The following MYO3B variants were observed in gnomAD, a reference collection of about 807,000 sequenced individuals.
MYO3B encodes myosin IIIB.
A neutral mutation model predicts 174.6 loss-of-function variants in MYO3B; 156 were observed. The ratio of observed to expected loss-of-function variants is 0.89; its 90% CI spans 0.78 to 1.02. The LOEUF (loss-of-function observed/expected upper bound fraction) is 1.02, where lower values mean the gene tolerates loss of function less well. MYO3B is among the 50% of genes least tolerant of loss of function. MYO3B has a pLI of 0.00. For missense variants in MYO3B, 1,632 were observed against 1,639.4 expected (o/e 1.00, Z 0.08); for synonymous variants, 563 against 569.1 (o/e 0.99, Z 0.15).
Position 170,586,050 on chromosome 2 carries a change from T to C in MYO3B, c.3733+42062T>C, listed in dbSNP as rs140639627. 2.9e-3 allele frequency among the ~76,000 whole-genome samples: 446 copies of C among 152,126 alleles called. 2 individuals are homozygous for C. Among genetic ancestry groups the C allele is most frequent in the Non-Finnish European group, 4.3e-3 (295 of 67,966 alleles). On this transcript the variant is annotated intron_variant, in intron 32 of 34. Transcript: ENST00000408978. Reference sequence around the variant, plus strand: ...CAAAAAACAAACAAACAAACAAAAATCACACAAGTGTTTGTTCAGGGAAAG... The same window carrying C: ...CAAAAAACAAACAAACAAACAAAAACCACACAAGTGTTTGTTCAGGGAAAG...
intron 30 of MYO3B, among the ~76,000 whole-genome samples, chr2:170,527,643 A>C (rs547820184): frequency 3.3e-5 from 5 of 152,204 alleles, no homozygotes; most frequent in Non-Finnish European, 7.3e-5. Flanking sequence ...GAAACGATTC[A>C]GCTACAGACC....
intron 32 of MYO3B, among the ~76,000 whole-genome samples, chr2:170,648,682 ATTATATTCTATAT>A (rs1698580598): frequency 7.4e-6 from 1 of 134,766 alleles, no homozygotes; most frequent in African/African-American, 2.8e-5. Flanking sequence ...TATAATATAT[ATTATATTCTATAT>A]AATATATATT....
At chr2:170,219,624 A>T (rs766472246) in intron 6 of MYO3B, among the ~76,000 whole-genome samples, 3 of 151,878 alleles carry the variant, frequency 2.0e-5, no homozygotes, top group Admixed American at 6.6e-5. Flanking sequence ...AGCCTGGGTG[A>T]CAGAGTTAGA....
chr2:170,434,143 G>C (rs1409791665), intron 22 of MYO3B, among the ~76,000 whole-genome samples: 1 of 152,142 alleles, frequency 6.6e-6, no homozygotes, highest in East Asian at 1.9e-4. Flanking sequence ...ATTTAGGAGA[G>C]ATGGTTATGT....
intron 32 of MYO3B, among the ~76,000 whole-genome samples, chr2:170,605,715 C>T (rs1694767005): frequency 6.6e-6 from 1 of 152,088 alleles, no homozygotes; most frequent in African/African-American, 2.4e-5. Context: ...AAAAAATTAG[C>T]CAGGCTTGGT....
At chr2:170,602,285 A>G in intron 32 of MYO3B, 1 of 742,740 alleles carries the variant, frequency 1.3e-6, no homozygotes, top group East Asian at 2.4e-5. Context: ...TCCGGCTCTC[A>G]CTTGCCCCGG....
intron 6 of MYO3B, among the ~76,000 whole-genome samples, chr2:170,229,956 C>T (rs2092996016): frequency 6.6e-6 from 1 of 151,848 alleles, no homozygotes; most frequent in South Asian, 2.1e-4. Context: ...CCTGTGCTTA[C>T]AGTAGAAAGG....
intron 7 of MYO3B, among the ~76,000 whole-genome samples, chr2:170,328,780 T>C (rs1005698853): frequency 3.5e-5 from 4 of 113,310 alleles, no homozygotes; most frequent in Non-Finnish European, 8.5e-5. Flanking sequence ...TAAGCTGTAT[T>C]ACTGAATGGA....
chr2:170,489,220 T>C (rs1686272407), intron 25 of MYO3B, among the ~76,000 whole-genome samples: 1 of 152,016 alleles, frequency 6.6e-6, no homozygotes, highest in Non-Finnish European at 1.5e-5. Flanking sequence ...AAAGAAAGAG[T>C]TTTTTATCAA....
chr2:170,283,317 C>T (rs1258033951), intron 7 of MYO3B, among the ~76,000 whole-genome samples: 1 of 152,180 alleles, frequency 6.6e-6, no homozygotes, highest in Non-Finnish European at 1.5e-5. Flanking sequence ...GCTGGGGAAC[C>T]TATCAAGGCT....
At chr2:170,581,555 C>T (rs1226739994) in intron 32 of MYO3B, among the ~76,000 whole-genome samples, 2 of 151,818 alleles carry the variant, frequency 1.3e-5, no homozygotes, top group African/African-American at 2.4e-5. Flanking sequence ...AGATATTAAG[C>T]CTTATATCTT....
intron 7 of MYO3B, among the ~76,000 whole-genome samples, chr2:170,301,562 G>A (rs1039575408): frequency 3.9e-5 from 6 of 152,164 alleles, no homozygotes; most frequent in African/African-American, 1.4e-4. Flanking sequence ...TGGCTGGAAG[G>A]TGAAAGAGGC....
intron 25 of MYO3B, among the ~76,000 whole-genome samples, chr2:170,497,816 A>G (rs1686979001): frequency 6.6e-6 from 1 of 151,566 alleles, no homozygotes; most frequent in Non-Finnish European, 1.5e-5. Flanking sequence ...AAGGTGGCTC[A>G]CGCTTGTAAT....
At chr2:170,250,980 G>T (rs929638840) in intron 7 of MYO3B, among the ~76,000 whole-genome samples, 5 of 151,812 alleles carry the variant, frequency 3.3e-5, no homozygotes, top group Non-Finnish European at 4.4e-5. Context: ...TACAGTTGAG[G>T]GGGTGTGATG....
chr2:170,651,644 T>C lies in MYO3B; in HGVS notation c.3750T>C (p.Leu1250=). 1 of 1,614,134 alleles carries C rather than the reference T, an allele frequency of 6.2e-7. No homozygotes were observed. The highest frequency in any genetic ancestry group is 8.5e-7 in the Non-Finnish European group (1 of 1,180,014). Residue 1250 remains leucine (L), a synonymous_variant, in exon 33 of 35, where the codon CTT becomes CTC. Coordinates refer to ENST00000408978, the MANE Select transcript of MYO3B (RefSeq NM_138995.5). ...APQKPGSENG[L]AQKHRTPRRR... ...TTTTTTCAGGTTCAGAAAATGGTCT[T>C]GCACAGAAGCATCGAACACCTCGCC...
chr2:170,249,122 G>A lies in MYO3B; in HGVS notation c.749+12986G>A, dbSNP rs185210234. On this transcript the variant is annotated intron_variant, in intron 7 of 34. Coordinates refer to ENST00000408978, the MANE Select transcript of MYO3B (RefSeq NM_138995.5). The stretch of plus-strand genomic sequence containing the variant: ...ACTCCCAAAGCCTCCAGTCCTGGGT[G>A]CCAAAGCACTGGTTTCCACTCAGAG... Among the ~76,000 whole-genome samples, 124 of 152,262 alleles carry A rather than the reference G, an allele frequency of 8.1e-4. 1 individual carries two copies. Among genetic ancestry groups the A allele is most frequent in the African/African-American group, 2.9e-3 (119 of 41,552 alleles).
intron 32 of MYO3B, among the ~76,000 whole-genome samples, chr2:170,608,368 T>C (rs1439570453): frequency 3.9e-5 from 6 of 152,338 alleles, no homozygotes; most frequent in Admixed American, 2.0e-4. Context: ...ACAAAAGAAC[T>C]GATAATCAAT....
chr2:170,608,455 CA>C (rs1458975035), intron 32 of MYO3B, among the ~76,000 whole-genome samples: 1 of 152,098 alleles, frequency 6.6e-6, no homozygotes, highest in Admixed American at 6.6e-5. Context: ...TTGAAGGATC[CA>C]AAAGGCAACC....
intron 7 of MYO3B, among the ~76,000 whole-genome samples, chr2:170,282,737 C>T (rs2093521924): frequency 6.6e-6 from 1 of 152,020 alleles, no homozygotes; most frequent in Non-Finnish European, 1.5e-5. Context: ...ATCCCCAGGC[C>T]TTGGGTAGCG....
Sources: gnomAD v4.1 joint callset for allele counts (sites outside exome capture counted in the v4.1 genomes callset) on GRCh38, gnomAD v4.1.1 for gene constraint, MANE v1.5 for transcripts, NCBI Gene and HGNC (gene_info 2026-07-23, HGNC 2026-07-21) for gene names.